ADCY2: variants seen among roughly 807,000 people sequenced by gnomAD.
ADCY2 encodes adenylate cyclase type 2.
ADCY2 carries 31 observed loss-of-function variants against 125.2 expected under a neutral mutation model. That is an observed-to-expected ratio of 0.25 (90% CI 0.19 to 0.33). The LOEUF is 0.33. ADCY2 is among the 10% of genes least tolerant of loss of function. The pLI is 1.00. For missense variants in ADCY2, 904 were observed against 1,418.2 expected, an observed-to-expected ratio of 0.64 and a Z score of 5.82; for synonymous variants, 512 against 548.4, an observed-to-expected ratio of 0.93 and a Z score of 0.93.
chr5:7,660,821 T>C (rs1739502850), intron 4 of ADCY2, among the ~76,000 whole-genome samples: 1 of 152,140 alleles, frequency 6.6e-6, no homozygotes, highest in South Asian at 2.1e-4. Context: ...ACATCTATAC[T>C]ACCATTTGCC....
At chr5:7,762,313 T>A (rs1743248868) in intron 16 of ADCY2, among the ~76,000 whole-genome samples, 1 of 152,266 alleles carries the variant, frequency 6.6e-6, no homozygotes, top group South Asian at 2.1e-4. Context: ...TGTAGAGCCT[T>A]GTTTATAATG....
At chr5:7,676,024 T>C (rs973780985) in intron 4 of ADCY2, among the ~76,000 whole-genome samples, 19 of 152,236 alleles carry the variant, frequency 1.2e-4, no homozygotes, top group Admixed American at 1.2e-3. Context: ...TGAAAGTTAA[T>C]AAATACTTCT....
chr5:7,508,149 T>A (rs1743913081), intron 2 of ADCY2, among the ~76,000 whole-genome samples: 1 of 152,172 alleles, frequency 6.6e-6, no homozygotes, highest in South Asian at 2.1e-4. Flanking sequence ...GAAGCTGTGT[T>A]TACCAATTAT....
At chr5:7,509,536 G>A (rs1330230850) in intron 2 of ADCY2, among the ~76,000 whole-genome samples, 1 of 152,020 alleles carries the variant, frequency 6.6e-6, no homozygotes, top group African/African-American at 2.4e-5. Flanking sequence ...ATTTTAAAAA[G>A]CACAGTGAAA....
intron 12 of ADCY2, among the ~76,000 whole-genome samples, chr5:7,722,402 T>C (rs1741789535): frequency 6.6e-6 from 1 of 152,162 alleles, no homozygotes; most frequent in African/African-American, 2.4e-5. Context: ...TTTTTCTCAG[T>C]AAAGGAAATA....
chr5:7,650,095 C>G (rs1739035645), intron 4 of ADCY2, among the ~76,000 whole-genome samples: 1 of 152,104 alleles, frequency 6.6e-6, no homozygotes, highest in African/African-American at 2.4e-5. Flanking sequence ...CCTAATGTAT[C>G]CACTATACAG....
intron 2 of ADCY2, among the ~76,000 whole-genome samples, chr5:7,462,171 A>G (rs1741940457): frequency 6.6e-6 from 1 of 152,240 alleles, no homozygotes. Flanking sequence ...ATTAGGCCTA[A>G]TGTGTTTTAA....
chr5:7,630,598 T>C (rs1175698935), intron 4 of ADCY2, among the ~76,000 whole-genome samples: 1 of 152,188 alleles, frequency 6.6e-6, no homozygotes, highest in Admixed American at 6.5e-5. Flanking sequence ...TCAGTCTCAC[T>C]GAGCTAAAGT....
chr5:7,755,547 T>TA (rs1346404830), intron 15 of ADCY2, among the ~76,000 whole-genome samples: 1 of 152,220 alleles, frequency 6.6e-6, no homozygotes, highest in Non-Finnish European at 1.5e-5. Flanking sequence ...CAGGAAGAGC[T>TA]AACACTTGTA....
intron 2 of ADCY2, among the ~76,000 whole-genome samples, chr5:7,445,444 A>G (rs1415793738): frequency 6.6e-6 from 1 of 152,206 alleles, no homozygotes; most frequent in African/African-American, 2.4e-5. Context: ...TTTGGAAATT[A>G]TATGTTTAAT....
chr5:7,683,518 A>T (rs934576774), intron 4 of ADCY2, among the ~76,000 whole-genome samples: 3 of 152,184 alleles, frequency 2.0e-5, no homozygotes, highest in Non-Finnish European at 4.4e-5. Context: ...GCTCAAAGTC[A>T]CTATCTGTGA....
intron 4 of ADCY2, among the ~76,000 whole-genome samples, chr5:7,646,330 A>AATAT (rs200577244): frequency 6.7e-6 from 1 of 149,082 alleles, no homozygotes; most frequent in African/African-American, 2.4e-5. Context: ...TATATAAAGA[A>AATAT]ATATATATAT....
At chr5:7,513,550 C>CT (rs1418846108) in intron 2 of ADCY2, among the ~76,000 whole-genome samples, 1 of 152,126 alleles carries the variant, frequency 6.6e-6, no homozygotes, top group Non-Finnish European at 1.5e-5. Context: ...GTCATCAATT[C>CT]TTTGAGATAT....
intron 14 of ADCY2, among the ~76,000 whole-genome samples, chr5:7,731,069 G>T (rs978044419): frequency 2.0e-5 from 3 of 151,806 alleles, no homozygotes; most frequent in African/African-American, 7.3e-5. Context: ...CATGTTTCCT[G>T]CCAGTTTCCA....
intron 4 of ADCY2, among the ~76,000 whole-genome samples, chr5:7,656,267 T>C (rs547634502): frequency 6.6e-6 from 1 of 152,164 alleles, no homozygotes; most frequent in Non-Finnish European, 1.5e-5. Context: ...TTTGTCAGGC[T>C]GGTCTCGAAC....
chr5:7,644,535 T>C (rs1738829464), intron 4 of ADCY2, among the ~76,000 whole-genome samples: 1 of 152,178 alleles, frequency 6.6e-6, no homozygotes, highest in South Asian at 2.1e-4. Flanking sequence ...GTCTGGATTA[T>C]TGGCTTTCAA....
chr5:7,670,794 G>T (rs996943423), intron 4 of ADCY2, among the ~76,000 whole-genome samples: 4 of 152,104 alleles, frequency 2.6e-5, no homozygotes, highest in South Asian at 4.1e-4. Context: ...TAATGCTGCC[G>T]CTGATCTGAC....
intron 17 of ADCY2, among the ~76,000 whole-genome samples, chr5:7,771,108 C>A (rs75761934): frequency 0.014 from 2,094 of 152,254 alleles, 39 homozygotes; most frequent in African/African-American, 0.046. Context: ...GGCCTCAGAC[C>A]TGCCCTGAAG....
rs1037920954 is a variant in ADCY2 at position 7,766,720 on chromosome 5, C to G, written c.2128C>G (p.Pro710Ala). 5.0e-6 allele frequency: 8 copies of G among 1,612,626 alleles called. No homozygotes were observed. The African/African-American group carries it at 9.4e-5, about 19-fold the overall frequency. ...GAGTGACTCAGAGGAAACAATCCCT[C>G]CAACTGCCAACACAACAAACACAAG... ...FLSDSEETIPPTANTTNTSFS... is the reference protein window; with the variant it reads ...FLSDSEETIPATANTTNTSFS... The change falls in exon 17 of 25, where the codon CCA (proline) becomes GCA (alanine). Residue 710 changes from proline (P) to alanine (A), a missense_variant. Around this residue, in one of 7 missense-constraint regions of ADCY2, gnomAD observed 221 missense variants for 246.2 expected, o/e 0.90. Transcript: ENST00000338316.
Sources: allele counts gnomAD v4.1 joint callset (sites outside exome capture counted in the v4.1 genomes callset), GRCh38; gene constraint gnomAD v4.1.1; regional missense constraint gnomAD v4.1.1; transcripts MANE v1.5; gene names NCBI Gene and HGNC (gene_info 2026-07-23, HGNC 2026-07-21).